Variants in AKR1A1 observed in about 807,000 individuals in gnomAD.
AKR1A1 encodes the protein aldo-keto reductase family 1 member A1.
Under a neutral mutation model 39.2 loss-of-function variants are expected in AKR1A1, and 26 were observed. The ratio of observed to expected loss-of-function variants is 0.66; its 90% CI spans 0.49 to 0.92. AKR1A1 has a LOEUF of 0.92. Among genes scored for constraint, AKR1A1 ranks in the 40% least tolerant of loss-of-function variants. The pLI, the probability that AKR1A1 is intolerant of heterozygous loss-of-function variation, is 0.00. For synonymous variants in AKR1A1, 141 were observed against 155.5 expected (o/e 0.91, Z 0.69); for missense variants, 378 against 406.5 (o/e 0.93, Z 0.60).
In AKR1A1 at chr1:45,569,931, T is replaced by C; in HGVS notation, c.953T>C (p.Leu318Pro). The change falls in exon 9 of 9, where the codon CTG becomes CCG. Residue 318 changes from leucine (L) to proline (P), a missense_variant. Transcript: ENST00000351829. The part of the protein sequence containing the change: ...KRVPRDAGHP[L>P]YPFNDPY ...GTCCCAAGGGATGCAGGGCATCCTC[T>C]GTACCCCTTTAATGACCCGTACTGA... The C allele has an allele frequency of 6.2e-7, 1 of 1,614,208 alleles. No homozygotes were observed. The highest frequency in any genetic ancestry group is 8.5e-7 in the Non-Finnish European group (1 of 1,180,010).
rs774421700 is a variant in AKR1A1, at chr1:45,569,211, T to TA, written c.895dup (p.Ile299AsnfsTer24). On this transcript the variant is annotated frameshift_variant, in exon 8 of 9. Transcript: ENST00000351829. LOFTEE classifies it high-confidence loss of function. Reference sequence around the variant, plus strand: ...ATGCCCTGAACAAAAATTGGAGATATATTGTGCCTATGCTTACGGTGAGGA... The same window carrying TA: ...ATGCCCTGAACAAAAATTGGAGATATAATTGTGCCTATGCTTACGGTGAGGA... The TA allele has an allele frequency of 1.9e-6, 3 of 1,613,968 alleles. No individual in the cohort carries two copies. The South Asian group carries it at 3.3e-5, about 18-fold the overall frequency.
chr1:45,562,029 G>A, intron 2 of AKR1A1, 151 bp downstream of exon 2: 3 of 742,238 alleles, frequency 4.0e-6, no homozygotes, highest in Non-Finnish European at 6.6e-6. Context: ...TTCCCCAGCT[G>A]ACTCAGAGAG....
Position 45,569,012 on chromosome 1 carries a change from G to A in AKR1A1, c.825+13G>A. 6.2e-7 allele frequency: 1 copy of A among 1,613,578 alleles called. No individual in the cohort carries two copies. The highest frequency in any genetic ancestry group is 2.2e-5 in the East Asian group (1 of 44,876). Reference sequence around the variant, plus strand: ...TCAGAACATCAAGGTACTTGGTAATGGGTTCTATCTTCTTTAGCTCTTTGG... The same window carrying A: ...TCAGAACATCAAGGTACTTGGTAATAGGTTCTATCTTCTTTAGCTCTTTGG... On this transcript the variant is annotated intron_variant, in intron 7 of 8. Coordinates refer to ENST00000351829, the MANE Select transcript of AKR1A1 (RefSeq NM_153326.3).
chr1:45,565,507 TG>T lies in AKR1A1; in HGVS notation c.85-1061del, dbSNP rs200080719. ...GTTTTTTTGAGACGGAGTCTCACTC[TG>T]TCTCGCCCAGGATGAAGTGCAGTGG... On this transcript the variant is annotated intron_variant, in intron 2 of 8. Transcript: ENST00000351829. Among the ~76,000 whole-genome samples, 78 of 152,058 alleles carry T rather than the reference TG, an allele frequency of 5.1e-4. No homozygotes were observed. The East Asian group carries it at 0.014, about 28-fold the overall frequency.
intron 4 of AKR1A1, 79 bp from the exon 5 acceptor site, chr1:45,567,903 A>C: frequency 1.5e-6 from 2 of 1,343,184 alleles, no homozygotes; most frequent in Non-Finnish European, 2.0e-6. Flanking sequence ...GGAGTTTGGG[A>C]CATAGAGTGG....
chr1:45,556,576 G>A (rs933558408), intron 1 of AKR1A1, among the ~76,000 whole-genome samples: 2 of 148,276 alleles, frequency 1.3e-5, no homozygotes, highest in African/African-American at 2.5e-5. Flanking sequence ...GCAAGACTCC[G>A]TCTTAAAAGA....
intron 4 of AKR1A1, 174 bp downstream of exon 4, chr1:45,567,194 C>T: frequency 2.3e-6 from 2 of 874,994 alleles, no homozygotes; most frequent in Admixed American, 2.9e-5. Context: ...GCTGTAGCTA[C>T]AGGAGTTTAA....
At chr1:45,569,749 T>C in intron 8 of AKR1A1, 142 bp from the exon 9 acceptor site, 1 of 697,882 alleles carries the variant, frequency 1.4e-6, no homozygotes, top group Non-Finnish European at 2.5e-6. Context: ...TGGTGTTCTC[T>C]GAGGATGGGG....
chr1:45,557,330 T>A (rs1644218240), intron 1 of AKR1A1, among the ~76,000 whole-genome samples: 2 of 151,850 alleles, frequency 1.3e-5, no homozygotes, highest in Non-Finnish European at 2.9e-5. Context: ...AAGCAGAAGA[T>A]GAGGAAGTCA....
chr1:45,568,417 C>T, intron 5 of AKR1A1, 68 bp from the exon 6 acceptor site: 2 of 1,550,288 alleles, frequency 1.3e-6, no homozygotes, highest in Non-Finnish European at 1.8e-6. Context: ...TCCAGACATG[C>T]ATGTCTGGGA....
At chr1:45,560,962 C>T (rs1354389173) in intron 1 of AKR1A1, among the ~76,000 whole-genome samples, 1 of 152,050 alleles carries the variant, frequency 6.6e-6, no homozygotes. Context: ...CTCCTGACCT[C>T]GTGATCCACC....
intron 4 of AKR1A1, chr1:45,567,272 C>T (rs1056908591): frequency 3.3e-5 from 15 of 453,408 alleles, no homozygotes; most frequent in Non-Finnish European, 4.7e-5. Context: ...CCCTCCTGCT[C>T]CCTTTATTCA....
At chr1:45,555,014 A>G (rs530538436) in intron 1 of AKR1A1, among the ~76,000 whole-genome samples, 46 of 152,128 alleles carry the variant, frequency 3.0e-4, no homozygotes, top group Non-Finnish European at 5.3e-4. Flanking sequence ...TTAAGGCCCA[A>G]ATGGATTATA....
At chr1:45,566,819 GA>G (rs1644350082) in intron 3 of AKR1A1, 49 bp from the exon 4 acceptor site, 3 of 1,601,394 alleles carry the variant, frequency 1.9e-6, no homozygotes, top group Non-Finnish European at 2.6e-6. Flanking sequence ...GGGTGGGTGA[GA>G]CCACGTGCTC....
chr1:45,569,808 T>C, intron 8 of AKR1A1, 83 bp from the exon 9 acceptor site: 1 of 1,269,216 alleles, frequency 7.9e-7, no homozygotes, highest in Non-Finnish European at 1.1e-6. Flanking sequence ...GTGAGTTTGT[T>C]TAGGAAGATT....
At position 45,566,977 on chromosome 1, in the gene AKR1A1, G is replaced by A. The variant is rs1418370789; in HGVS notation, c.313G>A (p.Glu105Lys). The A allele has an allele frequency of 1.2e-6, 2 of 1,614,256 alleles. No individual in the cohort carries two copies. The highest frequency in any genetic ancestry group is 2.2e-5 in the South Asian group (2 of 91,088). The change falls in exon 4 of 9, where the codon GAG (glutamate) becomes AAG (lysine). Residue 105 changes from glutamate to lysine, a missense_variant. By Grantham distance (56) the Glu-to-Lys change is moderately conservative (BLOSUM62 1). Coordinates refer to ENST00000351829, the MANE Select transcript of AKR1A1 (RefSeq NM_153326.3). ...LRKTLADLQL[E>K]YLDLYLMHWP... ...GAAGACTCTGGCTGACCTCCAGCTG[G>A]AGTATCTGGACCTGTACCTGATGCA...
Position 45,569,893 on chromosome 1 carries a change from G to A in AKR1A1, c.915G>A (p.Val305=). 3 of 1,613,372 alleles carry A rather than the reference G, an allele frequency of 1.9e-6. No homozygotes were observed. Among genetic ancestry groups the A allele is most frequent in the Non-Finnish European group, 2.5e-6 (3 of 1,179,340 alleles). ...AATCTATCTGTCTCTCTTTCCAGGT[G>A]GATGGGAAGAGAGTCCCAAGGGATG... is the stretch of plus-strand genomic sequence containing the variant. ...NWRYIVPMLT[V]DGKRVPRDAG... Residue 305 remains valine, a splice_region_variant and synonymous_variant, in exon 9 of 9, where the codon GTG becomes GTA. Coordinates refer to ENST00000351829, the MANE Select transcript of AKR1A1 (RefSeq NM_153326.3).
chr1:45,553,856 A>C (rs556522683), intron 1 of AKR1A1, among the ~76,000 whole-genome samples: 1 of 152,016 alleles, frequency 6.6e-6, no homozygotes, highest in East Asian at 1.9e-4. Flanking sequence ...TTAGCTGGGC[A>C]TGGTAGCGGG....
At chr1:45,551,979 T>TTGTATGTATGTA (rs3842535) in intron 1 of AKR1A1, among the ~76,000 whole-genome samples, 136 of 146,538 alleles carry the variant, frequency 9.3e-4, no homozygotes, top group Non-Finnish European at 1.6e-3. Flanking sequence ...ATTGTGTACA[T>TTGTATGTATGTA]TGTATGTATG....
Sources: allele counts gnomAD v4.1 joint callset (sites outside exome capture counted in the v4.1 genomes callset), GRCh38; gene constraint gnomAD v4.1.1; transcripts MANE v1.5; gene names NCBI Gene and HGNC (gene_info 2026-07-23, HGNC 2026-07-21).